Variants in RELL2 observed in about 807,000 individuals in gnomAD.
RELL2 encodes RELT like 2, also known as RELT-like protein 2.
A neutral mutation model predicts 27.5 loss-of-function variants in RELL2; 18 were observed. That is an observed-to-expected ratio of 0.65 (90% CI 0.45 to 0.97). The LOEUF (loss-of-function observed/expected upper bound fraction) is 0.97, where lower values mean the gene tolerates loss of function less well. RELL2 is among the 50% of genes least tolerant of loss of function. The pLI, the probability that RELL2 is intolerant of heterozygous loss-of-function variation, is 0.00. For missense variants in RELL2, 370 were observed against 397.5 expected (o/e 0.93, Z 0.59); for synonymous variants, 156 against 147.5 (o/e 1.06, Z -0.42).
At position 141,639,361 on chromosome 5, in the gene RELL2, TG is replaced by T. The variant is rs1366305613; in HGVS notation, c.318-99del. On this transcript the variant is annotated intron_variant, in intron 3 of 6. Coordinates refer to ENST00000297164, the MANE Select transcript of RELL2 (RefSeq NM_173828.5). The surrounding 1 kb of genome is among the most constrained non-coding windows in gnomAD (Gnocchi z 4.4). ...AAGAAAAAATGGGGCTTGGGGAAAT[TG>T]GGGCTTCTGGGGTTTTAAGGAGCAT... 13 of 915,278 alleles carry T rather than the reference TG, an allele frequency of 1.4e-5. No individual in the cohort carries two copies. The highest frequency in any genetic ancestry group is 2.1e-5 in the Non-Finnish European group (13 of 611,518). The allele number at this position is 915,278 out of a possible 1,614,324, so 56.7% of individuals were successfully genotyped here.
chr5:141,639,071 C>T lies in RELL2; in HGVS notation c.317+50C>T. 4 of 1,479,372 alleles carry T rather than the reference C, an allele frequency of 2.7e-6. No individual in the cohort carries two copies. 91.6% of individuals were successfully genotyped at this position (1,479,372 alleles called of 1,614,324 possible). ...TGACTTAGCTTGCCTTGGAGAGTAT[C>T]CTCTCCTCCAGCACAATCCTCTCCC... On this transcript the variant is annotated intron_variant, in intron 3 of 6. Transcript: ENST00000297164. The surrounding 1 kb of genome is among the most constrained non-coding windows in gnomAD (Gnocchi z 4.4).
chr5:141,638,084 G>T lies in RELL2; in HGVS notation c.-142G>T. ...CCGGACAGCTCCCTGGTTGGGTAGG[G>T]GGTGGGGCCGGACCTCAGCCGGACG... On this transcript the variant is annotated 5_prime_UTR_variant, in exon 1 of 7. Transcript: ENST00000297164. 1 of 647,640 alleles carries T rather than the reference G, an allele frequency of 1.5e-6. No homozygotes were observed. Among genetic ancestry groups the T allele is most frequent in the South Asian group, 1.8e-5 (1 of 55,400 alleles). The allele number at this position is 647,640 out of a possible 1,614,324, so 40.1% of individuals were successfully genotyped here. A position where few individuals can be genotyped will look rare whatever the true frequency, so the allele number is the denominator to read the frequency against.
chr5:141,637,317 C>G lies in RELL2; in HGVS notation c.-909C>G, dbSNP rs145251918. ...ACAACACCCACGCCGGACCGCCTGT[C>G]CCCTACCCGGACCCAGACTCGGCGC... On this transcript the variant is annotated 5_prime_UTR_variant, in exon 1 of 7. Coordinates refer to ENST00000297164, the MANE Select transcript of RELL2 (RefSeq NM_173828.5). 492 of 153,098 alleles carry G rather than the reference C, an allele frequency of 3.2e-3. 3 individuals carry two copies. The highest frequency in any genetic ancestry group is 0.011 in the African/African-American group (456 of 41,614). 9.5% of individuals were successfully genotyped at this position (153,098 alleles called of 1,614,324 possible). A position where few individuals can be genotyped will look rare whatever the true frequency, so the allele number is the denominator to read the frequency against.
rs977962348 is a variant in RELL2, at chr5:141,639,343, A to T, written c.318-121A>T. On this transcript the variant is annotated intron_variant, in intron 3 of 6. Transcript: ENST00000297164. This position sits in a 1 kb window ranked among gnomAD's most constrained non-coding sequence, Gnocchi z 4.4. ...AGTTTATTAGATAAAGACAAGAAAA[A>T]ATGGGGCTTGGGGAAATTGGGGCTT... is the stretch of plus-strand genomic sequence containing the variant. The T allele has an allele frequency of 2.6e-6, 2 of 765,028 alleles. No individual in the cohort carries two copies. The highest frequency in any genetic ancestry group is 3.5e-5 in the African/African-American group (2 of 56,926). The allele number at this position is 765,028 out of a possible 1,614,324, so 47.4% of individuals were successfully genotyped here.
At chr5:141,640,350 TGG>T in intron 5 of RELL2, 55 bp downstream of exon 5, 1 of 1,613,984 alleles carries the variant, frequency 6.2e-7, no homozygotes, top group South Asian at 1.1e-5. Flanking sequence ...CTCTCTACTC[TGG>T]GGGGCACTGA....
rs991000879 is a variant in RELL2, at chr5:141,637,029, A to G, written c.-1197A>G. Reference sequence around the variant, plus strand: ...CCGGGTTGGGCAGGGAACTGGCAGCATAGCTCCTAGGATGCGAGGGCCATT... The same window carrying G: ...CCGGGTTGGGCAGGGAACTGGCAGCGTAGCTCCTAGGATGCGAGGGCCATT... On this transcript the variant is annotated 5_prime_UTR_variant, in exon 1 of 7. Coordinates refer to ENST00000297164, the MANE Select transcript of RELL2 (RefSeq NM_173828.5). 2.7e-5 allele frequency: 10 copies of G among 373,370 alleles called. No homozygotes were observed. The highest frequency in any genetic ancestry group is 1.7e-4 in the African/African-American group (8 of 47,110). The allele number at this position is 373,370 out of a possible 1,614,324, so 23.1% of individuals were successfully genotyped here. A position where few individuals can be genotyped will look rare whatever the true frequency, so the allele number is the denominator to read the frequency against.
chr5:141,640,857 C>T lies in RELL2; in HGVS notation c.*188C>T, dbSNP rs530892699. 68 of 601,440 alleles carry T rather than the reference C, an allele frequency of 1.1e-4. No individual in the cohort carries two copies. The highest frequency in any genetic ancestry group is 1.1e-3 in the African/African-American group (59 of 53,990). 37.3% of individuals were successfully genotyped at this position (601,440 alleles called of 1,614,324 possible). A position where few individuals can be genotyped will look rare whatever the true frequency, so the allele number is the denominator to read the frequency against. On this transcript the variant is annotated 3_prime_UTR_variant, in exon 7 of 7. Coordinates refer to ENST00000297164, the MANE Select transcript of RELL2 (RefSeq NM_173828.5). ...ACAGCCCCTCAGTCTCTTCTCCTTC[C>T]CCTGCCTGCAACAGGCTGCCTGCCC... is the stretch of plus-strand genomic sequence containing the variant.
chr5:141,639,964 A>G lies in RELL2; in HGVS notation c.548A>G (p.His183Arg). ...HIEKRYGLHE[H>R]RDGSPTDRSW... ...GAGAAGCGCTATGGACTGCACGAAC[A>G]CCGTGATGGCTCCCCCACAGACAGG... Residue 183 changes from histidine to arginine, a missense_variant, in exon 5 of 7, where the codon CAC becomes CGC. Physicochemically the swap from His to Arg is conservative, Grantham distance 29. Transcript: ENST00000297164. This position sits in a 1 kb window ranked among gnomAD's most constrained non-coding sequence, Gnocchi z 4.4. The G allele has an allele frequency of 6.2e-7, 1 of 1,613,926 alleles. No individual in the cohort carries two copies. The highest frequency in any genetic ancestry group is 8.5e-7 in the Non-Finnish European group (1 of 1,179,992).
Position 141,639,588 on chromosome 5 carries a change from C to CAACTATCTTTCCTCCTGGACTGGGA in RELL2, c.442_443insAACTATCTTTCCTCCTGGACTGGGA (p.Arg148GlnfsTer36). 6.2e-7 allele frequency: 1 copy of CAACTATCTTTCCTCCTGGACTGGGA among 1,613,988 alleles called. No homozygotes were observed. The highest frequency in any genetic ancestry group is 1.1e-5 in the South Asian group (1 of 91,072). On this transcript the variant is annotated frameshift_variant, in exon 4 of 7. Transcript: ENST00000297164. LOFTEE classifies it high-confidence loss of function. This position sits in a 1 kb window ranked among gnomAD's most constrained non-coding sequence, Gnocchi z 4.4. ...GAGGCCTCCACTTGTCCGTCAGGGA[C>CAACTATCTTTCCTCCTGGACTGGGA]GCTCCAAGGAAGGAAAAAGCCGCCC...
In RELL2 at chr5:141,639,806, C is replaced by A; in HGVS notation, c.504-114C>A. 1 of 1,323,338 alleles carries A rather than the reference C, an allele frequency of 7.6e-7. No homozygotes were observed. Among genetic ancestry groups the A allele is most frequent in the Non-Finnish European group, 1.1e-6 (1 of 936,294 alleles). 82.0% of individuals were successfully genotyped at this position (1,323,338 alleles called of 1,614,324 possible). ...GCCCCACAATCTGAGAAGGCCTCCC[C>A]TACCTTAGGCCAGAGGGAAGTAGCC... On this transcript the variant is annotated intron_variant, in intron 4 of 6. Coordinates refer to ENST00000297164, the MANE Select transcript of RELL2 (RefSeq NM_173828.5). The surrounding 1 kb of genome is among the most constrained non-coding windows in gnomAD (Gnocchi z 4.4).
At position 141,640,722 on chromosome 5, in the gene RELL2, G is replaced by A; in HGVS notation, c.*53G>A. The A allele has an allele frequency of 6.6e-7, 1 of 1,514,946 alleles. No individual in the cohort carries two copies. The highest frequency in any genetic ancestry group is 1.2e-5 in the South Asian group (1 of 82,348). 93.8% of individuals were successfully genotyped at this position (1,514,946 alleles called of 1,614,324 possible). ...CAGCTGGCAGGGCCAGGGGGTGGGT[G>A]GGCGTGAAAGCCCTCCCCTCCACTG... is the stretch of plus-strand genomic sequence containing the variant. On this transcript the variant is annotated 3_prime_UTR_variant, in exon 7 of 7. Coordinates refer to ENST00000297164, the MANE Select transcript of RELL2 (RefSeq NM_173828.5).
chr5:141,638,516 A>T (rs547723426), intron 1 of RELL2, 107 bp downstream of exon 1: 2 of 1,101,274 alleles, frequency 1.8e-6, no homozygotes, highest in East Asian at 5.0e-5. Context: ...AAACCTGCTC[A>T]GGAAGCCTAG....
Position 141,639,460 on chromosome 5 carries a change from C to G in RELL2, c.318-4C>G. 1 of 1,607,952 alleles carries G rather than the reference C, an allele frequency of 6.2e-7. No individual in the cohort carries two copies. Among genetic ancestry groups the G allele is most frequent in the African/African-American group, 1.3e-5 (1 of 74,814 alleles). ...CCCTCACTCCCCTCCTCCCTGCTGT[C>G]CAGTGTGGATGCCACCTCCAGCCTG... is the stretch of plus-strand genomic sequence containing the variant. On this transcript the variant is annotated splice_polypyrimidine_tract_variant and splice_region_variant and intron_variant, in intron 3 of 6. Coordinates refer to ENST00000297164, the MANE Select transcript of RELL2 (RefSeq NM_173828.5). This position sits in a 1 kb window ranked among gnomAD's most constrained non-coding sequence, Gnocchi z 4.4.
chr5:141,640,443 G>A lies in RELL2; in HGVS notation c.911G>A (p.Ter304=). ...CTACCACAGGGAGCAGGGAGTATGT[G>A]AGGTGAGTCTGCCTGAGCCCTAAAT... is the stretch of plus-strand genomic sequence containing the variant. The part of the protein sequence containing the change: ...VSLPQGAGSM[*] Residue 304 remains the stop codon, a splice_region_variant and stop_retained_variant, in exon 6 of 7, where the codon TGA becomes TAA. Transcript: ENST00000297164. The A allele has an allele frequency of 1.9e-6, 3 of 1,614,176 alleles. No homozygotes were observed. Among genetic ancestry groups the A allele is most frequent in the Non-Finnish European group, 2.5e-6 (3 of 1,180,018 alleles).
rs2099906257 is a variant in RELL2, at chr5:141,637,661, G to A, written c.-565G>A. ...GGAATCAAGGGATGAGCGCCGGAAG[G>A]GCGTCGGGGGCCCTGAGCCGCACTA... On this transcript the variant is annotated 5_prime_UTR_variant, in exon 1 of 7. Transcript: ENST00000297164. 6.5e-6 allele frequency: 1 copy of A among 152,936 alleles called. No individual in the cohort carries two copies. Among genetic ancestry groups the A allele is most frequent in the Non-Finnish European group, 1.5e-5 (1 of 68,264 alleles). The allele number at this position is 152,936 out of a possible 1,614,324, so 9.5% of individuals were successfully genotyped here.
At chr5:141,640,513 T>C in intron 6 of RELL2, 68 bp downstream of exon 6, 1 of 1,612,318 alleles carries the variant, frequency 6.2e-7, no homozygotes, top group Non-Finnish European at 8.5e-7. Flanking sequence ...TATTTAAGCC[T>C]TTCGGCTCCC....
At position 141,638,161 on chromosome 5, in the gene RELL2, C is replaced by G. The variant is rs2099906358; in HGVS notation, c.-65C>G. On this transcript the variant is annotated 5_prime_UTR_variant, in exon 1 of 7. Coordinates refer to ENST00000297164, the MANE Select transcript of RELL2 (RefSeq NM_173828.5). ...GAGGACGGCATTCCTACCCCTCCCC[C>G]ATTCCCAGCTGCAGCCCCCTAAACC... 2.9e-6 allele frequency: 3 copies of G among 1,033,214 alleles called. No homozygotes were observed. In the East Asian group the frequency reaches 7.1e-5, roughly 25 times the overall value. 64.0% of individuals were successfully genotyped at this position (1,033,214 alleles called of 1,614,324 possible).
At chr5:141,638,523 C>T in intron 1 of RELL2, 114 bp downstream of exon 1, 1 of 1,016,452 alleles carries the variant, frequency 9.8e-7, no homozygotes, top group South Asian at 1.6e-5. Context: ...CTCAGGAAGC[C>T]TAGTGATGCA....
intron 1 of RELL2, 113 bp from the exon 2 acceptor site, chr5:141,638,682 T>G (rs939119314): frequency 9.4e-6 from 9 of 955,010 alleles, no homozygotes; most frequent in African/African-American, 1.6e-5. Flanking sequence ...TCCAGCATGA[T>G]AGCAAGTAGG....
Sources: gnomAD v4.1 joint callset for allele counts on GRCh38, gnomAD v4.1.1 for gene constraint, Gnocchi (gnomAD v3.1) non-coding constraint, MANE v1.5 for transcripts, NCBI Gene and HGNC (gene_info 2026-07-23, HGNC 2026-07-21) for gene names.